GALK2: variants seen among roughly 807,000 people sequenced by gnomAD.
GALK2 encodes the protein galactokinase 2, also known as N-acetylgalactosamine kinase.
Under a neutral mutation model 52.4 loss-of-function variants are expected in GALK2, and 36 were observed. The observed-to-expected ratio is 0.69, with a 90% CI of 0.53 to 0.91. The LOEUF is 0.91. Among genes scored for constraint, GALK2 ranks in the 40% least tolerant of loss-of-function variants. The pLI is 0.00. For synonymous variants in GALK2, 176 were observed against 199.1 expected (o/e 0.88, Z 0.98); for missense variants, 579 against 559.1 (o/e 1.04, Z -0.36).
At chr15:49,183,412 A>G (rs2086115818) in intron 1 of GALK2, among the ~76,000 whole-genome samples, 2 of 152,288 alleles carry the variant, frequency 1.3e-5, no homozygotes, top group Admixed American at 6.5e-5. Context: ...TAACTTATTC[A>G]TTGACCTACT....
At chr15:49,294,396 G>T (rs2034262515) in intron 8 of GALK2, among the ~76,000 whole-genome samples, 1 of 152,080 alleles carries the variant, frequency 6.6e-6, no homozygotes, top group South Asian at 2.1e-4. Flanking sequence ...GTACATAGTA[G>T]AGAATGATAC....
At chr15:49,178,386 T>TATAC (rs2141208082) in intron 1 of GALK2, 1 of 166,206 alleles carries the variant, frequency 6.0e-6, no homozygotes, top group South Asian at 1.5e-4. Context: ...TACATATATA[T>TATAC]ATATATGTGA....
At chr15:49,364,394 G>T (rs1412108285) in intron 3 of GALK2, among the ~76,000 whole-genome samples, 8 of 151,998 alleles carry the variant, frequency 5.3e-5, no homozygotes, top group Admixed American at 5.2e-4. Context: ...TCTAGCTTGT[G>T]TGCATAGAGA....
At chr15:49,258,792 ATATGTGTGTGTGTGTG>A (rs1380881185) in intron 5 of GALK2, among the ~76,000 whole-genome samples, 2 of 130,878 alleles carry the variant, frequency 1.5e-5, no homozygotes, top group African/African-American at 3.2e-5. Flanking sequence ...ATATATATAT[ATATGTGTGTGTGTGTG>A]TGTGTGTGTG....
rs1407991497 is a variant in GALK2, at chr15:49,329,555, T to C, written c.*1396T>C. 1 of 984,850 alleles carries C rather than the reference T, an allele frequency of 1.0e-6. No individual in the cohort carries two copies. Among genetic ancestry groups the C allele is most frequent in the Non-Finnish European group, 1.2e-6 (1 of 829,536 alleles). 61.0% of individuals were successfully genotyped at this position (984,850 alleles called of 1,614,324 possible). ...TTTATTTCTTAAAGGATAACAGTCA[T>C]ACATAGAATACTAGGAAAGCCAATA... On this transcript the variant is annotated 3_prime_UTR_variant, in exon 10 of 10. Transcript: ENST00000560031.
At chr15:49,350,286 A>G (rs922527295) in intron 3 of GALK2, among the ~76,000 whole-genome samples, 4 of 152,168 alleles carry the variant, frequency 2.6e-5, no homozygotes, top group African/African-American at 9.7e-5. Flanking sequence ...CTTATACTTA[A>G]TTTCATTAAT....
At chr15:49,165,741 A>C (rs11853830), upstream of GALK2, among the ~76,000 whole-genome samples, 1 of 151,658 alleles carries the variant, frequency 6.6e-6, no homozygotes, top group African/African-American at 2.4e-5. Flanking sequence ...TTAAAATGGC[A>C]TGTTTGACTT....
chr15:49,259,098 T>C (rs1490026348), intron 5 of GALK2, among the ~76,000 whole-genome samples: 1 of 151,652 alleles, frequency 6.6e-6, no homozygotes, highest in Non-Finnish European at 1.5e-5. Flanking sequence ...TGTATACATA[T>C]ATATATATGT....
chr15:49,321,764 G>C (rs562209347), intron 9 of GALK2, among the ~76,000 whole-genome samples: 3 of 152,206 alleles, frequency 2.0e-5, no homozygotes, highest in Non-Finnish European at 4.4e-5. Flanking sequence ...GTTATACTAA[G>C]ATGTGATTAC....
chr15:49,293,050 A>T (rs1210132249), intron 8 of GALK2, among the ~76,000 whole-genome samples: 4 of 152,158 alleles, frequency 2.6e-5, no homozygotes, highest in African/African-American at 9.7e-5. Context: ...CAGGCACAGG[A>T]TGGAGTCTTG....
intron 5 of GALK2, among the ~76,000 whole-genome samples, chr15:49,278,486 C>G (rs2032211618): frequency 1.3e-5 from 2 of 152,180 alleles, no homozygotes; most frequent in African/African-American, 4.8e-5. Flanking sequence ...CAGATGATTC[C>G]TTATTCATCA....
In GALK2 at chr15:49,170,371, C is replaced by T. The variant is rs747605997; in HGVS notation, c.49C>T (p.Pro17Ser). The change falls in exon 1 of 10, where the codon CCT (proline) becomes TCT (serine). Residue 17 changes from proline (P) to serine (S), a missense_variant. Coordinates refer to ENST00000560031, the MANE Select transcript of GALK2 (RefSeq NM_002044.4). Reference sequence around the variant, plus strand: ...GCGTCGGGTCCAGGTGGCAGAACATCCTAGGTGGGGGAGAGGAGACGCCGG... The same window carrying T: ...GCGTCGGGTCCAGGTGGCAGAACATTCTAGGTGGGGGAGAGGAGACGCCGG... The part of the protein sequence containing the change: ...ATRRVQVAEH[P>S]RLLKLKEMFN... 1.4e-5 allele frequency: 23 copies of T among 1,590,464 alleles called. No homozygotes were observed. In the African/African-American group the frequency reaches 1.7e-4, roughly 12 times the overall value.
chr15:49,280,283 G>T (rs2032497988), intron 5 of GALK2, among the ~76,000 whole-genome samples: 1 of 152,172 alleles, frequency 6.6e-6, no homozygotes, highest in Non-Finnish European at 1.5e-5. Context: ...TGCTGAGGAG[G>T]AGTTATGTGG....
At chr15:49,192,001 T>A (rs1353784569) in intron 1 of GALK2, among the ~76,000 whole-genome samples, 2 of 152,162 alleles carry the variant, frequency 1.3e-5, no homozygotes, top group Non-Finnish European at 2.9e-5. Flanking sequence ...TATTTTTGTA[T>A]TTATTTTGAT....
At chr15:49,182,669 G>A (rs1219839842) in intron 1 of GALK2, among the ~76,000 whole-genome samples, 1 of 151,476 alleles carries the variant, frequency 6.6e-6, no homozygotes, top group Non-Finnish European at 1.5e-5. Context: ...TCTTTTTTTT[G>A]GATAAAAGCC....
At chr15:49,204,867 C>T (rs2088133102) in intron 2 of GALK2, among the ~76,000 whole-genome samples, 1 of 152,180 alleles carries the variant, frequency 6.6e-6, no homozygotes, top group Non-Finnish European at 1.5e-5. Context: ...CTCTTCCTCA[C>T]AAGTCCCCGA....
At chr15:49,229,687 T>A (rs1339623226) in intron 3 of GALK2, among the ~76,000 whole-genome samples, 1 of 152,032 alleles carries the variant, frequency 6.6e-6, no homozygotes, top group African/African-American at 2.4e-5. Context: ...TAGGCAGTAG[T>A]AGAGTGAACC....
intron 8 of GALK2, among the ~76,000 whole-genome samples, chr15:49,315,730 G>C (rs1302502591): frequency 6.6e-6 from 1 of 152,188 alleles, no homozygotes; most frequent in African/African-American, 2.4e-5. Flanking sequence ...CCCAGCAAGA[G>C]TCCTCGTTAG....
intron 3 of GALK2, chr15:49,226,842 G>A (rs543102320): frequency 2.0e-5 from 3 of 152,012 alleles, no homozygotes; most frequent in Non-Finnish European, 4.4e-5. Flanking sequence ...TTGAGCTAGT[G>A]GTCATTCAGA....
Sources: gnomAD v4.1 joint callset for allele counts (sites outside exome capture counted in the v4.1 genomes callset) on GRCh38, gnomAD v4.1.1 for gene constraint, MANE v1.5 for transcripts, NCBI Gene and HGNC (gene_info 2026-07-23, HGNC 2026-07-21) for gene names.